CACNA1I: variants seen among roughly 807,000 people sequenced by gnomAD.
CACNA1I encodes the protein voltage-dependent T-type calcium channel subunit alpha-1I.
CACNA1I carries 74 observed loss-of-function variants against 201.6 expected under a neutral mutation model. That is an observed-to-expected ratio of 0.37 (90% CI 0.30 to 0.45). The LOEUF (loss-of-function observed/expected upper bound fraction) is 0.45. Among genes scored for constraint, CACNA1I ranks in the 20% least tolerant of loss-of-function variants. The probability of loss-of-function intolerance (pLI) is 1.00; values close to 1 mark genes in which losing one functional copy is unlikely to be tolerated. For synonymous variants in CACNA1I, 1,431 were observed against 1,345.2 expected (o/e 1.06, Z -1.40); for missense variants, 2,346 against 3,138.1 (o/e 0.75, Z 6.03).
chr22:39,654,763 G>C (rs1414516202), intron 10 of CACNA1I, among the ~76,000 whole-genome samples: 2 of 152,120 alleles, frequency 1.3e-5, no homozygotes, highest in East Asian at 3.9e-4. Context: ...TCATCAGCGA[G>C]ACAGAGGGAC....
chr22:39,608,766 G>A (rs977950292), intron 3 of CACNA1I, among the ~76,000 whole-genome samples: 6 of 152,052 alleles, frequency 3.9e-5, no homozygotes, highest in Admixed American at 1.3e-4. Context: ...GTTGCAGTGA[G>A]CCAAGATTGC....
At chr22:39,662,605 C>G (rs994155310) in intron 17 of CACNA1I, among the ~76,000 whole-genome samples, 170 bp downstream of exon 17, 2 of 152,058 alleles carry the variant, frequency 1.3e-5, no homozygotes, top group Non-Finnish European at 2.9e-5. Context: ...GCCAGAACTG[C>G]CCACACCTGA....
At chr22:39,574,188 A>T (rs1336133195) in intron 1 of CACNA1I, among the ~76,000 whole-genome samples, 1 of 152,228 alleles carries the variant, frequency 6.6e-6, no homozygotes, top group Non-Finnish European at 1.5e-5. Context: ...CGACACTGAA[A>T]TTCTAAGCTT....
At chr22:39,609,001 G>A (rs1043751364) in intron 3 of CACNA1I, among the ~76,000 whole-genome samples, 1 of 152,244 alleles carries the variant, frequency 6.6e-6, no homozygotes, top group Non-Finnish European at 1.5e-5. Context: ...TGTCCCTGCT[G>A]AGGTTGCTGG....
Position 39,659,954 on chromosome 22 carries a change from A to G in CACNA1I, c.2604+102A>G. 1 of 1,334,354 alleles carries G rather than the reference A, an allele frequency of 7.5e-7. No individual in the cohort carries two copies. Among genetic ancestry groups the G allele is most frequent in the Non-Finnish European group, 1.1e-6 (1 of 944,252 alleles). The allele number at this position is 1,334,354 out of a possible 1,614,324, so 82.7% of individuals were successfully genotyped here. ...GGGGAGGGCTGCAATTCAAACTTCT[A>G]GCAGGCAACCTATCCCTAAAGGAGG... On this transcript the variant is annotated intron_variant, in intron 14 of 36. Transcript: ENST00000402142. The surrounding 1 kb of genome is among the most constrained non-coding windows in gnomAD (Gnocchi z 4.3).
chr22:39,680,168 T>C (rs1935660465), intron 33 of CACNA1I, among the ~76,000 whole-genome samples: 1 of 152,122 alleles, frequency 6.6e-6, no homozygotes, highest in Non-Finnish European at 1.5e-5. Context: ...TGTGTGTCAC[T>C]TGCAGGACAG....
At chr22:39,625,067 C>T (rs1933861826) in intron 4 of CACNA1I, among the ~76,000 whole-genome samples, 1 of 152,004 alleles carries the variant, frequency 6.6e-6, no homozygotes, top group Admixed American at 6.6e-5. Flanking sequence ...ACCACCACGT[C>T]CAGCTAATTT....
intron 5 of CACNA1I, among the ~76,000 whole-genome samples, chr22:39,637,828 A>G (rs989127901): frequency 6.6e-6 from 1 of 152,192 alleles, no homozygotes; most frequent in Non-Finnish European, 1.5e-5. Flanking sequence ...GGTTGTGAAA[A>G]TATCTTCCAG....
intron 21 of CACNA1I, 21 bp downstream of exon 21, chr22:39,664,944 G>C: frequency 6.2e-7 from 1 of 1,607,326 alleles, no homozygotes; most frequent in African/African-American, 1.3e-5. Context: ...CTCCTGGGCG[G>C]ATGGGGGAAA....
Position 39,685,757 on chromosome 22 carries a change from C to G in CACNA1I, c.6028-4C>G. ...CGGCCTCCACGGCTCCCACCTCCCCCCAGGCCACCGGGAGCGACACGTCGC... is the reference window on the plus strand; with the variant it reads ...CGGCCTCCACGGCTCCCACCTCCCCGCAGGCCACCGGGAGCGACACGTCGC... On this transcript the variant is annotated splice_region_variant and splice_polypyrimidine_tract_variant and intron_variant, in intron 36 of 36. Coordinates refer to ENST00000402142, the MANE Select transcript of CACNA1I (RefSeq NM_021096.4). The surrounding 1 kb of genome is among the most constrained non-coding windows in gnomAD (Gnocchi z 5.0). 6 of 1,473,586 alleles carry G rather than the reference C, an allele frequency of 4.1e-6. No homozygotes were observed. The highest frequency in any genetic ancestry group is 4.5e-6 in the Non-Finnish European group (5 of 1,120,172). 91.3% of individuals were successfully genotyped at this position (1,473,586 alleles called of 1,614,324 possible).
chr22:39,652,676 G>A (rs1218478958), intron 10 of CACNA1I, among the ~76,000 whole-genome samples: 1 of 152,232 alleles, frequency 6.6e-6, no homozygotes, highest in South Asian at 2.1e-4. Context: ...AGGCTGTGGC[G>A]AGAGGATCAC....
In CACNA1I at chr22:39,663,578, C is replaced by G. The variant is rs912744180; in HGVS notation, c.3474-140C>G. The G allele has an allele frequency of 1.3e-5, 13 of 965,136 alleles. No individual in the cohort carries two copies. The Admixed American group carries it at 3.2e-4, about 24-fold the overall frequency. The allele number at this position is 965,136 out of a possible 1,614,324, so 59.8% of individuals were successfully genotyped here. On this transcript the variant is annotated intron_variant, in intron 18 of 36. Coordinates refer to ENST00000402142, the MANE Select transcript of CACNA1I (RefSeq NM_021096.4). ...TGGGCACCCTGAGCAGGTGTAGAGT[C>G]GGCACCTGGCCAGAGGAGAGGATAG...
In CACNA1I at chr22:39,684,249, T is replaced by C. The variant is rs999822021; in HGVS notation, c.5831-53T>C. The C allele has an allele frequency of 6.6e-7, 1 of 1,524,202 alleles. No homozygotes were observed. Among genetic ancestry groups the C allele is most frequent in the Non-Finnish European group, 9.0e-7 (1 of 1,107,192 alleles). The allele number at this position is 1,524,202 out of a possible 1,614,324, so 94.4% of individuals were successfully genotyped here. On this transcript the variant is annotated intron_variant, in intron 35 of 36. Coordinates refer to ENST00000402142, the MANE Select transcript of CACNA1I (RefSeq NM_021096.4). The surrounding 1 kb of genome is among the most constrained non-coding windows in gnomAD (Gnocchi z 4.6). ...GTGCTCAATGCCACCTTCCAGGGGC[T>C]GCCCCCTGGCCTGAGCGTGCTCCCT...
intron 7 of CACNA1I, chr22:39,643,317 C>T (rs1934396208): frequency 6.2e-6 from 1 of 161,210 alleles, no homozygotes; most frequent in African/African-American, 2.4e-5. Flanking sequence ...AGGGAGGTCG[C>T]CTGATAGTGA....
chr22:39,684,944 C>G lies in CACNA1I; in HGVS notation c.6027+446C>G. On this transcript the variant is annotated intron_variant, in intron 36 of 36. Coordinates refer to ENST00000402142, the MANE Select transcript of CACNA1I (RefSeq NM_021096.4). The surrounding 1 kb of genome is among the most constrained non-coding windows in gnomAD (Gnocchi z 4.6). ...GATGAGAAGCCTCGGGCTGCAGGGTCCCCCGTACTGGATTGGCCAGGGCCA... is the reference window on the plus strand; with the variant it reads ...GATGAGAAGCCTCGGGCTGCAGGGTGCCCCGTACTGGATTGGCCAGGGCCA... 6.3e-6 allele frequency: 2 copies of G among 318,910 alleles called. No individual in the cohort carries two copies. Among genetic ancestry groups the G allele is most frequent in the East Asian group, 6.7e-5 (1 of 14,896 alleles). The allele number at this position is 318,910 out of a possible 1,614,324, so 19.8% of individuals were successfully genotyped here. A position where few individuals can be genotyped will look rare whatever the true frequency, so the allele number is the denominator to read the frequency against.
intron 4 of CACNA1I, among the ~76,000 whole-genome samples, chr22:39,623,043 G>T (rs1336112901): frequency 6.6e-6 from 1 of 152,226 alleles, no homozygotes; most frequent in Non-Finnish European, 1.5e-5. Context: ...CCGGTCTAGG[G>T]TCTGCCCAGC....
intron 17 of CACNA1I, 128 bp downstream of exon 17, chr22:39,662,563 T>C (rs1935060701): frequency 2.6e-6 from 2 of 761,170 alleles, no homozygotes; most frequent in East Asian, 2.9e-5. Flanking sequence ...CCGGAGCGGC[T>C]AGGGCTTCAG....
chr22:39,678,096 C>G lies in CACNA1I; in HGVS notation c.5043C>G (p.Asn1681Lys). ...LFQVSTGDNW[N>K]GIMKDTLRDC... ...AGGTCTCCACGGGTGACAACTGGAA[C>G]GGGATCATGAAGGTACTCCTGGGCG... Residue 1681 changes from asparagine to lysine, a missense_variant, in exon 31 of 37, where the codon AAC becomes AAG. Transcript: ENST00000402142. The G allele has an allele frequency of 6.2e-7, 1 of 1,611,850 alleles. No individual in the cohort carries two copies. The highest frequency in any genetic ancestry group is 8.5e-7 in the Non-Finnish European group (1 of 1,179,060).
At chr22:39,608,183 C>T (rs1933277587) in intron 3 of CACNA1I, among the ~76,000 whole-genome samples, 1 of 151,810 alleles carries the variant, frequency 6.6e-6, no homozygotes, top group Admixed American at 6.6e-5. Context: ...TGGCGCACAC[C>T]TGTAGTCCCA....
Sources: allele counts gnomAD v4.1 joint callset (sites outside exome capture counted in the v4.1 genomes callset), GRCh38; gene constraint gnomAD v4.1.1; non-coding constraint Gnocchi (gnomAD v3.1); transcripts MANE v1.5; gene names NCBI Gene and HGNC (gene_info 2026-07-23, HGNC 2026-07-21).